COP1: variants seen among roughly 807,000 people sequenced by gnomAD.
COP1 encodes the protein COP1 E3 ubiquitin ligase.
In COP1, 24 loss-of-function variants were observed where a neutral mutation model predicts 101.3. The ratio of observed to expected loss-of-function variants is 0.24; its 90% CI spans 0.17 to 0.33. COP1 has a LOEUF of 0.33. COP1 is among the 10% of genes least tolerant of loss of function. The pLI is 1.00. For synonymous variants in COP1, 347 were observed against 341.9 expected (o/e 1.01, Z -0.17); for missense variants, 663 against 906.2 (o/e 0.73, Z 3.45).
chr1:175,969,170 G>C (rs1293349854), intron 18 of COP1, among the ~76,000 whole-genome samples: 3 of 152,148 alleles, frequency 2.0e-5, no homozygotes, highest in Non-Finnish European at 4.4e-5. Flanking sequence ...CTGAATTTTG[G>C]TTCTGCTTAA....
chr1:176,014,676 A>G (rs1329841250), intron 15 of COP1, among the ~76,000 whole-genome samples: 1 of 152,214 alleles, frequency 6.6e-6, no homozygotes. Flanking sequence ...CCTGAAATCA[A>G]AACTCTATGT....
chr1:176,192,648 C>T (rs1279055065), intron 1 of COP1, among the ~76,000 whole-genome samples: 1 of 152,058 alleles, frequency 6.6e-6, no homozygotes, highest in Non-Finnish European at 1.5e-5. Context: ...AATCACAGGC[C>T]AATCAACTGG....
intron 6 of COP1, among the ~76,000 whole-genome samples, chr1:176,146,685 G>T (rs75867466): frequency 8.3e-4 from 126 of 152,278 alleles, no homozygotes; most frequent in African/African-American, 2.9e-3. Context: ...TTGCAGCTTG[G>T]TAAGAAACCC....
At position 176,116,621 on chromosome 1, in the gene COP1, T is replaced by C; in HGVS notation, c.1026+3A>G. The C allele has an allele frequency of 6.2e-7, 1 of 1,604,674 alleles. No individual in the cohort carries two copies. Among genetic ancestry groups the C allele is most frequent in the Non-Finnish European group, 8.5e-7 (1 of 1,172,064 alleles). On this transcript the variant is annotated splice_donor_region_variant and intron_variant, in intron 9 of 19. Coordinates refer to ENST00000367669, the MANE Select transcript of COP1 (RefSeq NM_022457.7). ...CATTAAAGCAAACAAAGATATCGTT[T>C]ACCTGAGAACTGCCACTGAAACCTG...
At chr1:176,011,352 C>T (rs539481603) in intron 15 of COP1, among the ~76,000 whole-genome samples, 2 of 152,140 alleles carry the variant, frequency 1.3e-5, no homozygotes, top group African/African-American at 2.4e-5. Flanking sequence ...AATAACTAAA[C>T]CAATGAATAA....
At chr1:176,096,892 C>A (rs1682493504) in intron 9 of COP1, among the ~76,000 whole-genome samples, 1 of 152,172 alleles carries the variant, frequency 6.6e-6, no homozygotes, top group Non-Finnish European at 1.5e-5. Context: ...AACCACATGA[C>A]AATGTTTTGT....
intron 10 of COP1, among the ~76,000 whole-genome samples, chr1:176,085,552 C>G (rs181666198): frequency 4.6e-5 from 7 of 152,172 alleles, no homozygotes; most frequent in Admixed American, 4.6e-4. Context: ...CTTTATCTAG[C>G]TTGCCATATA....
intron 3 of COP1, among the ~76,000 whole-genome samples, chr1:176,172,397 C>T (rs1263324188): frequency 6.6e-6 from 1 of 152,166 alleles, no homozygotes; most frequent in Non-Finnish European, 1.5e-5. Context: ...TTAATGCAAA[C>T]TTAAAAATAT....
chr1:176,041,359 T>TC (rs1670500161), intron 14 of COP1, among the ~76,000 whole-genome samples: 2 of 134,448 alleles, frequency 1.5e-5, no homozygotes, highest in South Asian at 2.4e-4. Context: ...TTTTCTTTTT[T>TC]TTTTTTGAGA....
chr1:176,113,069 C>T (rs968202404), intron 9 of COP1, among the ~76,000 whole-genome samples: 1 of 152,142 alleles, frequency 6.6e-6, no homozygotes, highest in African/African-American at 2.4e-5. Context: ...ATATAGCCAG[C>T]AGTGGGGTTG....
intron 5 of COP1, among the ~76,000 whole-genome samples, chr1:176,158,095 G>T (rs1330754749): frequency 1.3e-5 from 2 of 150,668 alleles, no homozygotes; most frequent in Non-Finnish European, 3.0e-5. Flanking sequence ...ACACAAAGGG[G>T]GAAAAAAAAA....
intron 11 of COP1, among the ~76,000 whole-genome samples, chr1:176,057,979 TGG>T (rs1364008166): frequency 2.8e-5 from 4 of 144,486 alleles, no homozygotes; most frequent in Admixed American, 6.9e-5. Flanking sequence ...CGTCTCTGCC[TGG>T]CCGCCCCGTC....
rs186908679 is a variant in COP1, at chr1:176,135,738, T to G, written c.892-652A>C. On this transcript the variant is annotated intron_variant, in intron 7 of 19. Transcript: ENST00000367669. Reference sequence around the variant, plus strand: ...GTACTAACTTTGATTAATGAAAAAATAGCAAATTTTAAAATGCCACTAAAG... The same window carrying G: ...GTACTAACTTTGATTAATGAAAAAAGAGCAAATTTTAAAATGCCACTAAAG... Among the ~76,000 whole-genome samples the G allele has an allele frequency of 6.1e-3, 924 of 152,080 alleles. 6 individuals are homozygous for G. The highest frequency in any genetic ancestry group is 9.5e-3 in the Non-Finnish European group (648 of 67,920).
At chr1:176,164,572 A>C (rs961574927) in intron 3 of COP1, among the ~76,000 whole-genome samples, 2 of 152,174 alleles carry the variant, frequency 1.3e-5, no homozygotes, top group Non-Finnish European at 2.9e-5. Context: ...AGGAGAAAAA[A>C]ACCATGCCTT....
At chr1:176,061,126 A>G (rs182894925) in intron 11 of COP1, among the ~76,000 whole-genome samples, 2 of 152,364 alleles carry the variant, frequency 1.3e-5, no homozygotes, top group East Asian at 3.9e-4. Flanking sequence ...AGATCAATAC[A>G]ACAGAACAGA....
At chr1:176,059,540 T>C (rs1226409042) in intron 11 of COP1, among the ~76,000 whole-genome samples, 1 of 152,134 alleles carries the variant, frequency 6.6e-6, no homozygotes, top group South Asian at 2.1e-4. Flanking sequence ...TGGACTGTGA[T>C]GGTGTGATCT....
intron 8 of COP1, among the ~76,000 whole-genome samples, chr1:176,121,947 T>G (rs577646009): frequency 6.6e-6 from 1 of 152,032 alleles, no homozygotes; most frequent in Non-Finnish European, 1.5e-5. Flanking sequence ...GAGACCATCC[T>G]GGCTAACACA....
chr1:176,188,574 T>C (rs753884577), intron 1 of COP1, among the ~76,000 whole-genome samples: 6 of 152,166 alleles, frequency 3.9e-5, no homozygotes, highest in South Asian at 2.1e-4. Flanking sequence ...CAACACCATG[T>C]GCTCACTTCA....
intron 2 of COP1, among the ~76,000 whole-genome samples, chr1:176,179,309 T>C (rs1336901643): frequency 6.6e-6 from 1 of 151,500 alleles, no homozygotes; most frequent in African/African-American, 2.4e-5. Context: ...AAAAATTACA[T>C]AATAAAGATA....
Sources: gnomAD v4.1 joint callset for allele counts (sites outside exome capture counted in the v4.1 genomes callset) on GRCh38, gnomAD v4.1.1 for gene constraint, MANE v1.5 for transcripts, NCBI Gene and HGNC (gene_info 2026-07-23, HGNC 2026-07-21) for gene names.